Variants in EBF1 observed in about 807,000 individuals in gnomAD.
The protein encoded by EBF1 is transcription factor COE1.
In EBF1, 10 loss-of-function variants were observed where a neutral mutation model predicts 68.4. That is an observed-to-expected ratio of 0.15 (90% CI 0.09 to 0.25). The LOEUF is 0.25. Ranked by LOEUF, EBF1 falls within the 10% of genes least tolerant of loss-of-function variation. The probability of loss-of-function intolerance (pLI) is 1.00; values close to 1 mark genes in which losing one functional copy is unlikely to be tolerated. For synonymous variants in EBF1, 298 were observed against 299.8 expected, an observed-to-expected ratio of 0.99 and a Z score of 0.06; for missense variants, 509 against 794.4, an observed-to-expected ratio of 0.64 and a Z score of 4.32.
Position 159,095,722 on chromosome 5 carries a change from C to T in EBF1, c.356-47G>A, listed in dbSNP as rs150394388. 2.0e-4 allele frequency: 326 copies of T among 1,598,480 alleles called. No homozygotes were observed. In the African/African-American group the frequency reaches 3.8e-3, roughly 19 times the overall value. ...GGGAGGAGAATTAAGTGAGAGGTTACGGAGGGTGGGTGGACAATAATTAAC... is the reference window on the plus strand; with the variant it reads ...GGGAGGAGAATTAAGTGAGAGGTTATGGAGGGTGGGTGGACAATAATTAAC... On this transcript the variant is annotated intron_variant, in intron 3 of 15. Coordinates refer to ENST00000313708, the MANE Select transcript of EBF1 (RefSeq NM_024007.5).
At chr5:159,066,551 C>T (rs1312788415) in intron 6 of EBF1, among the ~76,000 whole-genome samples, 6 of 152,122 alleles carry the variant, frequency 3.9e-5, no homozygotes, top group Non-Finnish European at 7.4e-5. Flanking sequence ...ATGTGACACC[C>T]CCTGCCCCAC....
chr5:159,081,468 G>A (rs557502851), intron 5 of EBF1, among the ~76,000 whole-genome samples: 1 of 152,212 alleles, frequency 6.6e-6, no homozygotes, highest in African/African-American at 2.4e-5. Flanking sequence ...TGTGGGTCAC[G>A]CAACACATCC....
chr5:159,060,929 T>TACAC (rs1382603284), intron 6 of EBF1, among the ~76,000 whole-genome samples: 1 of 85,676 alleles, frequency 1.2e-5, no homozygotes, highest in African/African-American at 5.0e-5. Context: ...GGGTTAAAGC[T>TACAC]ACATACACAC....
intron 6 of EBF1, among the ~76,000 whole-genome samples, chr5:158,869,576 TAAACACAC>T (rs1457071912): frequency 2.2e-5 from 2 of 89,706 alleles, no homozygotes; most frequent in African/African-American, 4.6e-5. Flanking sequence ...CAGATCCTAA[TAAACACAC>T]ACACACACAC....
intron 6 of EBF1, among the ~76,000 whole-genome samples, chr5:159,008,118 G>A (rs982534100): frequency 6.6e-6 from 1 of 152,142 alleles, no homozygotes; most frequent in Non-Finnish European, 1.5e-5. Flanking sequence ...GGTTCCATGT[G>A]TAAGAATAAG....
At chr5:158,989,004 GC>G (rs1384839371) in intron 6 of EBF1, among the ~76,000 whole-genome samples, 8 of 152,102 alleles carry the variant, frequency 5.3e-5, no homozygotes, top group African/African-American at 1.9e-4. Flanking sequence ...GCAGGCTTAG[GC>G]CCTCTTCTCT....
At position 158,819,459 on chromosome 5, in the gene EBF1, A is replaced by G. The variant is rs556600803; in HGVS notation, c.778+3717T>C. ...GCATTTTGCCACAGGGGGAAGAAAC[A>G]GAGAAACTGATGCCACAGTTGGCCT... On this transcript the variant is annotated intron_variant, in intron 8 of 15. Transcript: ENST00000313708. 3.9e-5 allele frequency among the ~76,000 whole-genome samples: 6 copies of G among 152,344 alleles called. No individual in the cohort carries two copies. The South Asian group carries it at 1.2e-3, about 32-fold the overall frequency.
At chr5:159,074,384 C>T (rs974787852) in intron 5 of EBF1, among the ~76,000 whole-genome samples, 3 of 152,268 alleles carry the variant, frequency 2.0e-5, no homozygotes, top group Non-Finnish European at 2.9e-5. Context: ...AAGATCTGCA[C>T]CAGGGGCATA....
Position 158,711,976 on chromosome 5 carries a change from A to T in EBF1, c.1549+178T>A, listed in dbSNP as rs575966649. Among the ~76,000 whole-genome samples, 19 of 152,284 alleles carry T rather than the reference A, an allele frequency of 1.2e-4. No individual in the cohort carries two copies. In the South Asian group the frequency reaches 3.9e-3, roughly 32 times the overall value. On this transcript the variant is annotated intron_variant, in intron 14 of 15. Coordinates refer to ENST00000313708, the MANE Select transcript of EBF1 (RefSeq NM_024007.5). ...GTAGGAAGGAAGGTGAGCACTGGAG[A>T]GCGGAGATTCCTGCTGGAGACGATG...
At chr5:159,070,099 T>G (rs949683379) in intron 6 of EBF1, among the ~76,000 whole-genome samples, 1 of 152,192 alleles carries the variant, frequency 6.6e-6, no homozygotes, top group Admixed American at 6.5e-5. Flanking sequence ...AAATCTGCTG[T>G]TATCAGTTCC....
chr5:158,747,697 A>T (rs934031486), intron 10 of EBF1, among the ~76,000 whole-genome samples: 6 of 152,212 alleles, frequency 3.9e-5, no homozygotes, highest in Non-Finnish European at 8.8e-5. Context: ...TAAAAACAAC[A>T]TGCTGTGACT....
At chr5:159,001,265 A>AT (rs1762478574) in intron 6 of EBF1, among the ~76,000 whole-genome samples, 2 of 151,882 alleles carry the variant, frequency 1.3e-5, no homozygotes, top group Non-Finnish European at 2.9e-5. Flanking sequence ...GTAAGAAAGA[A>AT]ATTTTTTTTA....
intron 8 of EBF1, among the ~76,000 whole-genome samples, chr5:158,809,091 C>T (rs550534657): frequency 6.6e-5 from 10 of 152,270 alleles, no homozygotes; most frequent in South Asian, 4.1e-4. Flanking sequence ...AACTAGTCAA[C>T]GCATCCCTTG....
intron 6 of EBF1, among the ~76,000 whole-genome samples, chr5:159,051,419 C>A (rs1332425100): frequency 3.7e-5 from 5 of 135,472 alleles, no homozygotes; most frequent in African/African-American, 8.3e-5. Flanking sequence ...CCCCTCCCCC[C>A]CGCTCCCGCA....
intron 15 of EBF1, 79 bp downstream of exon 15, chr5:158,707,900 G>A: frequency 2.1e-6 from 3 of 1,456,258 alleles, no homozygotes; most frequent in Non-Finnish European, 2.8e-6. Flanking sequence ...CTCAGCAATG[G>A]TGATGCATCT....
intron 6 of EBF1, among the ~76,000 whole-genome samples, chr5:158,982,710 T>C (rs1007143488): frequency 1.3e-5 from 2 of 152,044 alleles, no homozygotes; most frequent in Non-Finnish European, 2.9e-5. Context: ...CCTAGCTAAA[T>C]ATAATTTAAT....
At chr5:158,760,409 G>C (rs1442676615) in intron 10 of EBF1, among the ~76,000 whole-genome samples, 1 of 152,068 alleles carries the variant, frequency 6.6e-6, no homozygotes, top group African/African-American at 2.4e-5. Context: ...ATGAAGATCT[G>C]TTCGGCCCCT....
chr5:158,928,615 A>T (rs1002440180), intron 6 of EBF1, among the ~76,000 whole-genome samples: 5 of 152,210 alleles, frequency 3.3e-5, no homozygotes, highest in Admixed American at 6.5e-5. Context: ...TGAAATTGGG[A>T]TGTCCATTCT....
chr5:159,065,699 C>T (rs963740971), intron 6 of EBF1, among the ~76,000 whole-genome samples: 3 of 151,508 alleles, frequency 2.0e-5, no homozygotes, highest in Non-Finnish European at 4.4e-5. Context: ...TTGAGAATGT[C>T]GCCAAAGCCC....
Sources: allele counts gnomAD v4.1 joint callset (sites outside exome capture counted in the v4.1 genomes callset), GRCh38; gene constraint gnomAD v4.1.1; transcripts MANE v1.5; gene names NCBI Gene and HGNC (gene_info 2026-07-23, HGNC 2026-07-21).